PNPLA7: variants seen among roughly 807,000 people sequenced by gnomAD.
The protein encoded by PNPLA7 is patatin-like phospholipase domain-containing protein 7.
In PNPLA7, 153 loss-of-function variants were observed where a neutral mutation model predicts 161.7. The ratio of observed to expected loss-of-function variants is 0.95; its 90% CI spans 0.83 to 1.08. The LOEUF is 1.08. Among genes scored for constraint, PNPLA7 ranks in the 50% least tolerant of loss-of-function variants. The pLI is 0.00. For missense variants in PNPLA7, 1,739 were observed against 1,856.6 expected (o/e 0.94, Z 1.16); for synonymous variants, 809 against 782.1 (o/e 1.03, Z -0.57).
chr9:137,511,366 G>C (rs1031919626), intron 12 of PNPLA7, among the ~76,000 whole-genome samples: 4 of 151,224 alleles, frequency 2.6e-5, no homozygotes, highest in Admixed American at 2.6e-4. Flanking sequence ...TTACTTAGTG[G>C]ACCTTGGCCT....
At position 137,546,850 on chromosome 9, in the gene PNPLA7, C is replaced by A. The variant is rs149161294; in HGVS notation, c.253G>T (p.Gly85Cys). The A allele has an allele frequency of 4.4e-4, 713 of 1,613,898 alleles. 1 individual carries two copies. Among genetic ancestry groups the A allele is most frequent in the Non-Finnish European group, 5.5e-4 (647 of 1,179,980 alleles). ...FRKRDKVMFY[G>C]RKIMRKVTTL... ...GCTACCTTCCTCATGATCTTCCGGC[C>A]GTAAAACATCACTTTGTCTCTCTTC... Residue 85 changes from glycine (G) to cysteine (C), a missense_variant, in exon 4 of 35, where the codon GGC becomes TGC. Around this residue, in one of 6 missense-constraint regions of PNPLA7, gnomAD observed 209 missense variants for 252.8 expected, o/e 0.83. Transcript: ENST00000406427.
At chr9:137,517,059 C>T (rs1254699202) in intron 11 of PNPLA7, among the ~76,000 whole-genome samples, 6 of 143,166 alleles carry the variant, frequency 4.2e-5, no homozygotes, top group Non-Finnish European at 9.2e-5. Flanking sequence ...TCCACTCTGT[C>T]CACTCCATCC....
At chr9:137,496,643 G>A (rs1239683519) in intron 18 of PNPLA7, among the ~76,000 whole-genome samples, 4 of 152,068 alleles carry the variant, frequency 2.6e-5, no homozygotes, top group African/African-American at 7.2e-5. Context: ...CTCAGGAGGC[G>A]GAGGTTGCAG....
intron 33 of PNPLA7, chr9:137,461,141 A>C (rs529135001): frequency 3.5e-4 from 113 of 321,552 alleles, no homozygotes; most frequent in African/African-American, 2.2e-3. Flanking sequence ...CCACTGGCTG[A>C]AGGCCCAAGC....
At chr9:137,477,932 G>T in intron 25 of PNPLA7, 102 bp downstream of exon 25, 3 of 999,824 alleles carry the variant, frequency 3.0e-6, no homozygotes, top group African/African-American at 1.7e-5. Context: ...TCGTCTGCGG[G>T]TGACACCCCC....
chr9:137,489,772 T>C (rs967849634), intron 20 of PNPLA7, among the ~76,000 whole-genome samples: 1 of 151,992 alleles, frequency 6.6e-6, no homozygotes, highest in Admixed American at 6.6e-5. Context: ...CCAAAGATCC[T>C]GAAGATAGAT....
chr9:137,473,596 C>T (rs1028397325), intron 25 of PNPLA7, among the ~76,000 whole-genome samples: 9 of 152,044 alleles, frequency 5.9e-5, no homozygotes, highest in South Asian at 2.1e-4. Flanking sequence ...AGAACTCCTT[C>T]GATACAATAG....
chr9:137,510,305 T>C (rs191774218), intron 12 of PNPLA7, among the ~76,000 whole-genome samples: 259 of 152,290 alleles, frequency 1.7e-3, no homozygotes, highest in African/African-American at 5.8e-3. Flanking sequence ...ACCGTCTCCC[T>C]GTGATGCTGT....
At chr9:137,477,062 C>T (rs762862003) in intron 25 of PNPLA7, among the ~76,000 whole-genome samples, 10 of 152,338 alleles carry the variant, frequency 6.6e-5, no homozygotes, top group Admixed American at 1.3e-4. Context: ...CCGGAGAGGC[C>T]CCACCCCAGA....
intron 25 of PNPLA7, among the ~76,000 whole-genome samples, chr9:137,475,721 A>G (rs1273009174): frequency 1.3e-5 from 2 of 152,056 alleles, no homozygotes; most frequent in Non-Finnish European, 2.9e-5. Context: ...ACGAGGTTCC[A>G]GAAGAAAAAA....
chr9:137,515,643 G>C, intron 11 of PNPLA7, 124 bp from the exon 12 acceptor site: 1 of 1,254,260 alleles, frequency 8.0e-7, no homozygotes, highest in East Asian at 2.7e-5. Flanking sequence ...ACGCGCTCTG[G>C]ACCAGCCCAC....
intron 18 of PNPLA7, 56 bp downstream of exon 18, chr9:137,497,131 G>A: frequency 7.0e-7 from 1 of 1,438,698 alleles, no homozygotes; most frequent in South Asian, 1.5e-5. Flanking sequence ...CAGAACCCAG[G>A]ATGCTCTGGG....
intron 8 of PNPLA7, among the ~76,000 whole-genome samples, chr9:137,528,433 A>G (rs1474875485): frequency 6.7e-5 from 10 of 149,600 alleles, no homozygotes; most frequent in Admixed American, 6.7e-4. Flanking sequence ...CCTGGGTTCA[A>G]GTGATTTCCA....
intron 18 of PNPLA7, among the ~76,000 whole-genome samples, chr9:137,496,381 A>T: frequency 6.6e-6 from 1 of 151,914 alleles, no homozygotes; most frequent in East Asian, 2.0e-4. Context: ...TGCTGGGATT[A>T]CAGGCGTGAG....
chr9:137,497,436 T>C (rs1833125059), intron 17 of PNPLA7, 126 bp from the exon 18 acceptor site: 1 of 962,578 alleles, frequency 1.0e-6, no homozygotes, highest in Non-Finnish European at 1.4e-6. Context: ...ATCTTATTTT[T>C]GTTTTGGAAA....
intron 30 of PNPLA7, 124 bp downstream of exon 30, chr9:137,462,560 AG>A: frequency 1.4e-6 from 2 of 1,427,902 alleles, no homozygotes; most frequent in Non-Finnish European, 9.3e-7. Context: ...AGGGGTGGTG[AG>A]GGGTGGCCCC....
intron 32 of PNPLA7, 138 bp from the exon 33 acceptor site, chr9:137,461,758 G>C: frequency 8.4e-7 from 1 of 1,194,574 alleles, no homozygotes; most frequent in Non-Finnish European, 1.2e-6. Flanking sequence ...GGCAGGGACC[G>C]GGGAGATGCG....
chr9:137,517,710 C>T (rs1372768409), intron 11 of PNPLA7, among the ~76,000 whole-genome samples: 2 of 79,950 alleles, frequency 2.5e-5, no homozygotes, highest in African/African-American at 1.4e-4. Context: ...CCACTCCATC[C>T]CCCACTCACT....
rs567668057 is a variant in PNPLA7, at chr9:137,466,159, A to G, written c.3039+1158T>C. ...CGTGCCTGAAGGACTCAGTCAGCCC[A>G]TCCTCAGCTGCTCACGCTGCCCTGC... On this transcript the variant is annotated intron_variant, in intron 26 of 34. Transcript: ENST00000406427. Among the ~76,000 whole-genome samples the G allele has an allele frequency of 1.9e-3, 283 of 152,208 alleles. 2 individuals are homozygous for G. Among genetic ancestry groups the G allele is most frequent in the African/African-American group, 6.5e-3 (271 of 41,522 alleles).
Sources: gnomAD v4.1 joint callset for allele counts (sites outside exome capture counted in the v4.1 genomes callset) on GRCh38, gnomAD v4.1.1 for gene constraint, gnomAD v4.1.1 regional missense constraint, MANE v1.5 for transcripts, NCBI Gene and HGNC (gene_info 2026-07-23, HGNC 2026-07-21) for gene names.